SV2C: variants seen among roughly 807,000 people sequenced by gnomAD.
The protein encoded by SV2C is synaptic vesicle glycoprotein 2C, also known as solute carrier family 22 member B3.
SV2C carries 49 observed loss-of-function variants against 79.7 expected under a neutral mutation model. The ratio of observed to expected loss-of-function variants is 0.61; its 90% confidence interval spans 0.49 to 0.78. The LOEUF (loss-of-function observed/expected upper bound fraction) is 0.78, where lower values mean the gene tolerates loss of function less well. SV2C is among the 30% of genes least tolerant of loss of function. The pLI is 0.00. For synonymous variants in SV2C, 334 were observed against 333.2 expected (o/e 1.00, Z -0.03); for missense variants, 833 against 912.9 (o/e 0.91, Z 1.13).
chr5:75,980,566 A>AAATC, the SV2C span, among the ~76,000 whole-genome samples: 4 of 152,314 alleles, frequency 2.6e-5, no homozygotes, highest in Non-Finnish European at 5.9e-5. Flanking sequence ...CAACATACAC[A>AAATC]AATCAATACA....
chr5:76,188,948 C>A (rs1158118621), intron 2 of SV2C, among the ~76,000 whole-genome samples: 1 of 151,650 alleles, frequency 6.6e-6, no homozygotes, highest in Non-Finnish European at 1.5e-5. Context: ...AAAGCTTACA[C>A]CTCAGTGATT....
intron 1 of SV2C, among the ~76,000 whole-genome samples, chr5:76,121,746 G>C (rs952932451): frequency 6.6e-6 from 1 of 151,924 alleles, no homozygotes; most frequent in Non-Finnish European, 1.5e-5. Flanking sequence ...TTTGGTACCA[G>C]TACCATGCTG....
chr5:75,970,582 G>A, the SV2C span, among the ~76,000 whole-genome samples: 40 of 152,182 alleles, frequency 2.6e-4, no homozygotes, highest in South Asian at 8.3e-3. Flanking sequence ...AGAAGAAATG[G>A]ATAAATTCCT....
chr5:75,992,378 T>C, the SV2C span, among the ~76,000 whole-genome samples: 1 of 152,066 alleles, frequency 6.6e-6, no homozygotes, highest in Non-Finnish European at 1.5e-5. Context: ...GTCCTCACTT[T>C]GCACGGTTTG....
rs1749224546 is a variant in SV2C at position 76,332,817 on chromosome 5, T to C, written c.*7270T>C. The stretch of plus-strand genomic sequence containing the variant: ...ACCATCTAAAGCCCTAAAGAATGCT[T>C]GGCCTCCCACTGCATAGACACAGGC... On this transcript the variant is annotated 3_prime_UTR_variant, in exon 13 of 13. Transcript: ENST00000502798. The C allele has an allele frequency of 6.6e-6, 1 of 152,230 alleles. No individual in the cohort carries two copies. The highest frequency in any genetic ancestry group is 6.5e-5 in the Admixed American group (1 of 15,280). The allele number at this position is 152,230 out of a possible 1,614,324, so 9.4% of individuals were successfully genotyped here.
the SV2C span, chr5:75,910,716 A>G: frequency 5.1e-6 from 7 of 1,361,474 alleles, no homozygotes; most frequent in African/African-American, 2.9e-5. Flanking sequence ...AACAAAGCCC[A>G]GACTATGTTT....
the SV2C span, among the ~76,000 whole-genome samples, chr5:76,053,623 C>A: frequency 6.6e-6 from 1 of 152,112 alleles, no homozygotes; most frequent in Non-Finnish European, 1.5e-5. Flanking sequence ...CGGTTTGGAG[C>A]TATCATTTTG....
the SV2C span, among the ~76,000 whole-genome samples, chr5:75,909,309 G>T: frequency 6.6e-6 from 1 of 152,252 alleles, no homozygotes; most frequent in Non-Finnish European, 1.5e-5. Flanking sequence ...TTTGGAGACA[G>T]TACTGGCGTC....
chr5:76,068,073 G>C, the SV2C span, among the ~76,000 whole-genome samples: 1 of 151,844 alleles, frequency 6.6e-6, no homozygotes, highest in Non-Finnish European at 1.5e-5. Flanking sequence ...TATTCCATTA[G>C]CCAGAGCTTG....
At chr5:76,146,164 A>C (rs1749413138) in intron 2 of SV2C, among the ~76,000 whole-genome samples, 1 of 152,158 alleles carries the variant, frequency 6.6e-6, no homozygotes, top group Non-Finnish European at 1.5e-5. Flanking sequence ...TCTTAAGTCG[A>C]CCAGGGAAAG....
At chr5:76,065,565 A>G in the SV2C span, among the ~76,000 whole-genome samples, 1 of 152,186 alleles carries the variant, frequency 6.6e-6, no homozygotes, top group African/African-American at 2.4e-5. Context: ...TGAACGGCAT[A>G]GAGAAATAAG....
the SV2C span, among the ~76,000 whole-genome samples, chr5:75,964,564 G>T: frequency 2.2e-4 from 34 of 152,202 alleles, no homozygotes; most frequent in African/African-American, 8.2e-4. Flanking sequence ...CAGTCTCTTA[G>T]ACTCTTAGTC....
the SV2C span, among the ~76,000 whole-genome samples, chr5:75,917,942 CCTA>C: frequency 6.6e-6 from 1 of 152,164 alleles, no homozygotes; most frequent in South Asian, 2.1e-4. Flanking sequence ...AATATTTATA[CCTA>C]CTATGTACCC....
chr5:76,148,107 A>G lies in SV2C; in HGVS notation c.580+15777A>G, dbSNP rs150320787. 2.7e-3 allele frequency among the ~76,000 whole-genome samples: 418 copies of G among 152,316 alleles called. 1 individual carries two copies. Among genetic ancestry groups the G allele is most frequent in the Non-Finnish European group, 3.7e-3 (252 of 68,032 alleles). On this transcript the variant is annotated intron_variant, in intron 2 of 12. Coordinates refer to ENST00000502798, the MANE Select transcript of SV2C (RefSeq NM_014979.4). ...TATGGAGTCATTGCTTGGTTTTACA[A>G]CCGGGCTTTGGGCCAGATATGTGGG... is the stretch of plus-strand genomic sequence containing the variant.
chr5:76,267,802 C>T, intron 4 of SV2C, among the ~76,000 whole-genome samples: 1 of 152,184 alleles, frequency 6.6e-6, no homozygotes, highest in Admixed American at 6.5e-5. Flanking sequence ...ATATTCTAAG[C>T]AAAGGAAAGA....
At chr5:76,119,296 C>G (rs1430351379) in intron 1 of SV2C, among the ~76,000 whole-genome samples, 1 of 152,210 alleles carries the variant, frequency 6.6e-6, no homozygotes, top group Non-Finnish European at 1.5e-5. Context: ...TCTTTCCACC[C>G]TGCACCCTAT....
At chr5:75,958,644 C>T in the SV2C span, among the ~76,000 whole-genome samples, 85 of 152,142 alleles carry the variant, frequency 5.6e-4, no homozygotes, top group Middle Eastern at 3.4e-3. Context: ...CTAGTCACTA[C>T]TTCTGGCTTT....
At chr5:75,958,153 T>C in the SV2C span, among the ~76,000 whole-genome samples, 2 of 152,004 alleles carry the variant, frequency 1.3e-5, no homozygotes, top group Admixed American at 1.3e-4. Flanking sequence ...AGAGAATTAG[T>C]TATCATTCCA....
At chr5:75,894,518 T>C in the SV2C span, among the ~76,000 whole-genome samples, 1 of 152,034 alleles carries the variant, frequency 6.6e-6, no homozygotes, top group African/African-American at 2.4e-5. Context: ...TGGAGCTCCT[T>C]TCAAAGCTCC....
Sources: gnomAD v4.1 joint callset for allele counts (sites outside exome capture counted in the v4.1 genomes callset) on GRCh38, gnomAD v4.1.1 for gene constraint, MANE v1.5 for transcripts, NCBI Gene and HGNC (gene_info 2026-07-23, HGNC 2026-07-21) for gene names.